Variants in DLEC1 observed in about 807,000 individuals in gnomAD.
DLEC1 encodes the protein DLEC1 cilia and flagella associated protein, also known as deleted in lung and esophageal cancer protein 1.
DLEC1 carries 146 observed loss-of-function variants against 198.1 expected under a neutral mutation model. The observed-to-expected ratio is 0.74, with a 90% CI of 0.64 to 0.85. DLEC1 has a LOEUF of 0.85. Among genes scored for constraint, DLEC1 ranks in the 40% least tolerant of loss-of-function variants. The probability of loss-of-function intolerance (pLI) is 0.00; values close to 1 mark genes in which losing one functional copy is unlikely to be tolerated. For synonymous variants in DLEC1, 897 were observed against 866.8 expected (o/e 1.03, Z -0.61); for missense variants, 2,233 against 2,220.0 (o/e 1.01, Z -0.12).
Position 38,122,579 on chromosome 3 carries a change from C to A in DLEC1, c.*167C>A. The stretch of plus-strand genomic sequence containing the variant: ...CCACAATGGTCTCAGCCTAGGCCCT[C>A]ATGATATGTCCTCAGAGCTAACATA... On this transcript the variant is annotated 3_prime_UTR_variant, in exon 37 of 37. Transcript: ENST00000308059. 1 of 1,597,172 alleles carries A rather than the reference C, an allele frequency of 6.3e-7. No individual in the cohort carries two copies. Among genetic ancestry groups the A allele is most frequent in the East Asian group, 2.2e-5 (1 of 44,606 alleles).
intron 19 of DLEC1, among the ~76,000 whole-genome samples, 166 bp downstream of exon 19, chr3:38,100,591 G>A (rs9847922): frequency 3.3e-5 from 5 of 151,986 alleles, no homozygotes; most frequent in Non-Finnish European, 5.9e-5. Flanking sequence ...TCAAAATGAC[G>A]CATAATCCAT....
intron 6 of DLEC1, among the ~76,000 whole-genome samples, chr3:38,078,361 G>T (rs1697755730): frequency 6.6e-6 from 1 of 152,236 alleles, no homozygotes; most frequent in African/African-American, 2.4e-5. Context: ...AGCAGCCGCT[G>T]CACGCAGACA....
intron 2 of DLEC1, among the ~76,000 whole-genome samples, chr3:38,056,809 C>T (rs3895682): frequency 0.081 from 12,248 of 152,130 alleles, 665 homozygotes; most frequent in African/African-American, 0.14. Context: ...AATTAGGAGT[C>T]AACAAGAAGG....
rs1014034442 is a variant in DLEC1, at chr3:38,097,406, G to A, written c.2435-101G>A. ...GCTCTGGCTGAGGCCTGGGATGTGAGGGAGATGAGAAGTCTGTGCAAGCCA... is the reference window on the plus strand; with the variant it reads ...GCTCTGGCTGAGGCCTGGGATGTGAAGGAGATGAGAAGTCTGTGCAAGCCA... On this transcript the variant is annotated intron_variant, in intron 16 of 36. Transcript: ENST00000308059. The A allele has an allele frequency of 2.1e-5, 33 of 1,571,834 alleles. No homozygotes were observed. In the African/African-American group the frequency reaches 2.7e-4, roughly 13 times the overall value.
chr3:38,041,835 G>A (rs1298812757), intron 1 of DLEC1, among the ~76,000 whole-genome samples: 5 of 129,880 alleles, frequency 3.8e-5, no homozygotes, highest in Non-Finnish European at 7.9e-5. Flanking sequence ...GCGACAGAAC[G>A]AGACTCCGTT....
rs556274644 is a variant in DLEC1, at chr3:38,096,820, G to A, written c.2340+83G>A. ...AGTGTAGGGAGGATATAGCAGGAGG[G>A]GCAGATGGTAGCAGCCACTGCATGG... On this transcript the variant is annotated intron_variant, in intron 15 of 36. Coordinates refer to ENST00000308059, the MANE Select transcript of DLEC1 (RefSeq NM_007335.4). 8 of 1,469,090 alleles carry A rather than the reference G, an allele frequency of 5.4e-6. No individual in the cohort carries two copies. The South Asian group carries it at 9.4e-5, about 17-fold the overall frequency. The allele number at this position is 1,469,090 out of a possible 1,614,324, so 91.0% of individuals were successfully genotyped here.
intron 6 of DLEC1, among the ~76,000 whole-genome samples, chr3:38,067,347 G>C (rs1028050243): frequency 8.5e-5 from 13 of 152,364 alleles, no homozygotes; most frequent in African/African-American, 3.1e-4. Flanking sequence ...ATGGAATGTG[G>C]TACCAAGAGA....
Position 38,084,474 on chromosome 3 carries a change from G to GT in DLEC1, c.1261+230dup, listed in dbSNP as rs1698288941. Among the ~76,000 whole-genome samples the GT allele has an allele frequency of 3.3e-5, 5 of 150,762 alleles. 1 individual carries two copies. Among genetic ancestry groups the GT allele is most frequent in the African/African-American group, 4.9e-5 (2 of 40,840 alleles). On this transcript the variant is annotated intron_variant, in intron 7 of 36. Transcript: ENST00000308059. ...GGTGGTAGTAGTAATAGTAGTGGTG[G>GT]TGGTGGTAGTAGTGGTGGTAGTAGT...
Position 38,064,453 on chromosome 3 carries a change from C to A in DLEC1, c.1173+534C>A, listed in dbSNP as rs918892848. On this transcript the variant is annotated intron_variant, in intron 6 of 36. Transcript: ENST00000308059. ...AAAAATCTGATCTCTCTTTCTTTTC[C>A]CCACATTTCCCCCTTTTCTATTTGA... 2.0e-5 allele frequency among the ~76,000 whole-genome samples: 3 copies of A among 152,364 alleles called. No homozygotes were observed. The South Asian group carries it at 6.2e-4, about 32-fold the overall frequency.
chr3:38,090,714 C>T (rs1698700608), intron 10 of DLEC1, among the ~76,000 whole-genome samples: 1 of 152,198 alleles, frequency 6.6e-6, no homozygotes, highest in Admixed American at 6.5e-5. Context: ...GCGGATTGTA[C>T]CAATTTATAC....
At chr3:38,064,569 C>T (rs1017376208) in intron 6 of DLEC1, among the ~76,000 whole-genome samples, 4 of 152,038 alleles carry the variant, frequency 2.6e-5, no homozygotes, top group South Asian at 2.1e-4. Flanking sequence ...GGGCTCCTCA[C>T]TTCCCGGACG....
chr3:38,061,268 G>T (rs947628490), intron 3 of DLEC1, among the ~76,000 whole-genome samples: 1 of 152,074 alleles, frequency 6.6e-6, no homozygotes, highest in Non-Finnish European at 1.5e-5. Flanking sequence ...TGCCTCCTGG[G>T]TTCAAGCGTT....
rs1311893179 is a variant in DLEC1 at position 38,062,164 on chromosome 3, T to C, written c.674-5T>C. On this transcript the variant is annotated splice_region_variant and splice_polypyrimidine_tract_variant and intron_variant, in intron 3 of 36. Transcript: ENST00000308059. ...GTGATTCAGTTTGTTTCCTTGATGC[T>C]GTAGGCATCTCCCTACCTGGATGTT... The C allele has an allele frequency of 6.2e-7, 1 of 1,614,074 alleles. No individual in the cohort carries two copies. The highest frequency in any genetic ancestry group is 1.3e-5 in the African/African-American group (1 of 74,948).
intron 2 of DLEC1, among the ~76,000 whole-genome samples, chr3:38,057,897 A>G (rs1395326156): frequency 6.6e-6 from 1 of 151,502 alleles, no homozygotes; most frequent in Non-Finnish European, 1.5e-5. Flanking sequence ...GCTCACTGCA[A>G]ACTCCACCTC....
At chr3:38,082,613 C>T (rs548309732) in intron 6 of DLEC1, among the ~76,000 whole-genome samples, 11 of 152,146 alleles carry the variant, frequency 7.2e-5, no homozygotes, top group South Asian at 6.2e-4. Context: ...CCTAGAAAAG[C>T]GGGACTTGCC....
Position 38,086,257 on chromosome 3 carries a change from C to T in DLEC1, c.1452C>T (p.Asp484=). 1 of 1,612,004 alleles carries T rather than the reference C, an allele frequency of 6.2e-7. No individual in the cohort carries two copies. Among genetic ancestry groups the T allele is most frequent in the Non-Finnish European group, 8.5e-7 (1 of 1,178,984 alleles). ...PPVLTLSPVL[D]CGYCLIGGVK... is the part of the protein sequence containing the mutation. ...TGGCTACAGTGTCACCGGTGTTGGA[C>T]TGTGGTTACTGCCTCATTGGGGGAG... is the stretch of plus-strand genomic sequence containing the variant. Residue 484 remains aspartate (D), a synonymous_variant, in exon 9 of 37, where the codon GAC becomes GAT. Transcript: ENST00000308059.
intron 14 of DLEC1, 63 bp from the exon 15 acceptor site, chr3:38,096,506 G>A: frequency 2.6e-6 from 4 of 1,543,806 alleles, no homozygotes; most frequent in Non-Finnish European, 3.5e-6. Context: ...GACAGAGGCA[G>A]GGACACTCTA....
intron 1 of DLEC1, among the ~76,000 whole-genome samples, chr3:38,041,914 T>G (rs908710260): frequency 6.6e-6 from 1 of 152,026 alleles, no homozygotes; most frequent in Non-Finnish European, 1.5e-5. Context: ...TTATGGTATA[T>G]TCACACTATG....
chr3:38,097,369 T>G, intron 16 of DLEC1, 94 bp downstream of exon 16: 1 of 1,538,054 alleles, frequency 6.5e-7, no homozygotes, highest in Non-Finnish European at 8.8e-7. Flanking sequence ...GGGCTCTTGG[T>G]GTCCTGTGAC....
Sources: allele counts gnomAD v4.1 joint callset (sites outside exome capture counted in the v4.1 genomes callset), GRCh38; gene constraint gnomAD v4.1.1; transcripts MANE v1.5; gene names NCBI Gene and HGNC (gene_info 2026-07-23, HGNC 2026-07-21).